TSHR: variants seen among roughly 807,000 people sequenced by gnomAD.
The protein encoded by TSHR is thyroid stimulating hormone receptor, also known as thyrotropin receptor.
A neutral mutation model predicts 64.1 loss-of-function variants in TSHR; 51 were observed. The ratio of observed to expected loss-of-function variants is 0.80; its 90% CI spans 0.64 to 1.01. TSHR has a LOEUF of 1.01. Ranked by LOEUF, TSHR falls within the 50% of genes least tolerant of loss-of-function variation. The probability of loss-of-function intolerance (pLI) is 0.00; values close to 1 mark genes in which losing one functional copy is unlikely to be tolerated. For synonymous variants in TSHR, 361 were observed against 361.9 expected (o/e 1.00, Z 0.03); for missense variants, 877 against 942.8 (o/e 0.93, Z 0.91).
intron 1 of TSHR, among the ~76,000 whole-genome samples, chr14:81,017,335 G>C (rs1043740752): frequency 2.0e-5 from 3 of 152,150 alleles, no homozygotes; most frequent in African/African-American, 7.2e-5. Flanking sequence ...AGTTTGCATG[G>C]TGGAAGATCA....
intron 7 of TSHR, among the ~76,000 whole-genome samples, chr14:81,100,344 C>T (rs965766656): frequency 2.6e-5 from 4 of 152,174 alleles, no homozygotes; most frequent in South Asian, 2.1e-4. Flanking sequence ...AGGGGAATAC[C>T]GCCTCTGATA....
At chr14:80,969,786 C>T (rs1887505286) in intron 1 of TSHR, among the ~76,000 whole-genome samples, 1 of 152,208 alleles carries the variant, frequency 6.6e-6, no homozygotes, top group Admixed American at 6.5e-5. Flanking sequence ...CTCTGATGAG[C>T]ATTAACGTGA....
chr14:81,035,353 T>C (rs1263891881), intron 1 of TSHR, among the ~76,000 whole-genome samples: 1 of 152,208 alleles, frequency 6.6e-6, no homozygotes, highest in Non-Finnish European at 1.5e-5. Flanking sequence ...GTGACTCTAC[T>C]GACCTCAGGA....
At chr14:81,059,982 C>T (rs557895933) in intron 1 of TSHR, among the ~76,000 whole-genome samples, 7 of 152,198 alleles carry the variant, frequency 4.6e-5, no homozygotes, top group South Asian at 4.1e-4. Context: ...TTATTTGAAC[C>T]TTTAGCCCAA....
At chr14:81,131,931 T>C (rs1595163082) in intron 8 of TSHR, among the ~76,000 whole-genome samples, 1 of 152,264 alleles carries the variant, frequency 6.6e-6, no homozygotes, top group Non-Finnish European at 1.5e-5. Context: ...TTTACTATTA[T>C]AGCCCTAGCT....
At chr14:80,982,289 G>A (rs2139723634) in intron 1 of TSHR, 1 of 891,102 alleles carries the variant, frequency 1.1e-6, no homozygotes, top group Non-Finnish European at 1.7e-6. Context: ...AGCTCCACAT[G>A]TAAAAATGGG....
rs1891897845 is a variant in TSHR at position 81,145,592 on chromosome 14, T to C, written c.*1239T>C. 8.6e-6 allele frequency: 2 copies of C among 233,060 alleles called. No homozygotes were observed. The highest frequency in any genetic ancestry group is 1.7e-5 in the Non-Finnish European group (2 of 118,012). 14.4% of individuals were successfully genotyped at this position (233,060 alleles called of 1,614,324 possible). A position where few individuals can be genotyped will look rare whatever the true frequency, so the allele number is the denominator to read the frequency against. On this transcript the variant is annotated 3_prime_UTR_variant, in exon 10 of 10. Coordinates refer to ENST00000298171, the MANE Select transcript of TSHR (RefSeq NM_000369.5). ...GCTATTTAGAGTTGCTACTTCACTA[T>C]GAAGAGTCACTTCAAAACACTTCGC...
chr14:81,013,444 A>T (rs1890026040), intron 1 of TSHR: 1 of 152,220 alleles, frequency 6.6e-6, no homozygotes, highest in South Asian at 2.1e-4. Context: ...TAACAGATGT[A>T]CACAATTTTT....
At chr14:81,013,473 T>A (rs1890028527) in intron 1 of TSHR, 1 of 152,208 alleles carries the variant, frequency 6.6e-6, no homozygotes, top group African/African-American at 2.4e-5. Context: ...TAAGTAGGTT[T>A]TTTCTCCAAT....
rs887415181 is a variant in TSHR, at chr14:81,108,932, T to C, written c.692+480T>C. The C allele has an allele frequency of 1.2e-5, 16 of 1,383,274 alleles. No individual in the cohort carries two copies. The Admixed American group carries it at 3.9e-4, about 34-fold the overall frequency. The allele number at this position is 1,383,274 out of a possible 1,614,324, so 85.7% of individuals were successfully genotyped here. ...GGAAAGATGGAATAAAAACATTTTTTAAACAGCATGAAAACATACCTATTT... is the reference window on the plus strand; with the variant it reads ...GGAAAGATGGAATAAAAACATTTTTCAAACAGCATGAAAACATACCTATTT... On this transcript the variant is annotated intron_variant, in intron 8 of 9. Coordinates refer to ENST00000298171, the MANE Select transcript of TSHR (RefSeq NM_000369.5).
chr14:81,067,142 TG>T (rs1886675029), intron 2 of TSHR, among the ~76,000 whole-genome samples: 1 of 152,166 alleles, frequency 6.6e-6, no homozygotes, highest in Admixed American at 6.6e-5. Flanking sequence ...CGTCAACCTG[TG>T]GAATGTTCCA....
intron 9 of TSHR, among the ~76,000 whole-genome samples, 175 bp downstream of exon 9, chr14:81,140,042 T>A (rs915205435): frequency 6.6e-6 from 1 of 152,126 alleles, no homozygotes; most frequent in African/African-American, 2.4e-5. Flanking sequence ...CCAAAGTGGG[T>A]GCAGCTGAGA....
chr14:81,128,823 C>A (rs1280906003), intron 8 of TSHR, among the ~76,000 whole-genome samples: 1 of 152,082 alleles, frequency 6.6e-6, no homozygotes, highest in East Asian at 1.9e-4. Flanking sequence ...TCCCTGAATG[C>A]CCTATTTAAG....
chr14:81,115,188 T>C (rs1890438362), intron 8 of TSHR, among the ~76,000 whole-genome samples: 1 of 152,116 alleles, frequency 6.6e-6, no homozygotes, highest in African/African-American at 2.4e-5. Context: ...GAGAATGACT[T>C]TGACGAGCTG....
At chr14:81,067,483 T>TTTTATATATATATATATATATA (rs1555376189) in intron 2 of TSHR, among the ~76,000 whole-genome samples, 4 of 134,976 alleles carry the variant, frequency 3.0e-5, no homozygotes, top group African/African-American at 1.2e-4. Context: ...GTTTATAGTT[T>TTTTATATATATATATATATATA]TATATATATA....
At chr14:81,026,562 C>T (rs563920283) in intron 1 of TSHR, among the ~76,000 whole-genome samples, 2 of 152,118 alleles carry the variant, frequency 1.3e-5, no homozygotes, top group Admixed American at 1.3e-4. Flanking sequence ...AAACTTGTGA[C>T]CAAAGTTATC....
chr14:80,979,935 C>T (rs905429856), intron 1 of TSHR, among the ~76,000 whole-genome samples: 1 of 152,164 alleles, frequency 6.6e-6, no homozygotes, highest in Non-Finnish European at 1.5e-5. Context: ...GGGTCTCGGT[C>T]TCTTGAGTAA....
chr14:81,062,220 G>GT lies in TSHR; in HGVS notation c.242+2dup. On this transcript the variant is annotated splice_donor_variant, in intron 2 of 9. Coordinates refer to ENST00000298171, the MANE Select transcript of TSHR (RefSeq NM_000369.5). LOFTEE classifies it high-confidence loss of function. ...CTAATCTGCCCAATATTTCCAGAAT[G>GT]TAAGTTTTTTTAATATAAAGAAAAG... 3 of 1,609,100 alleles carry GT rather than the reference G, an allele frequency of 1.9e-6. No individual in the cohort carries two copies. Among genetic ancestry groups the GT allele is most frequent in the Non-Finnish European group, 2.5e-6 (3 of 1,176,934 alleles).
chr14:80,985,422 A>G (rs1888393301), intron 1 of TSHR, among the ~76,000 whole-genome samples: 2 of 152,250 alleles, frequency 1.3e-5, no homozygotes, highest in African/African-American at 4.8e-5. Context: ...ACCGGCTAAC[A>G]CGACAGAATA....
Sources: gnomAD v4.1 joint callset for allele counts (sites outside exome capture counted in the v4.1 genomes callset) on GRCh38, gnomAD v4.1.1 for gene constraint, MANE v1.5 for transcripts, NCBI Gene and HGNC (gene_info 2026-07-23, HGNC 2026-07-21) for gene names.